PXDNL: variants seen among roughly 807,000 people sequenced by gnomAD.
PXDNL encodes the protein probable oxidoreductase PXDNL.
PXDNL carries 145 observed loss-of-function variants against 150.8 expected under a neutral mutation model. The ratio of observed to expected loss-of-function variants is 0.96; its 90% CI spans 0.84 to 1.10. PXDNL has a LOEUF of 1.10. PXDNL is among the 50% of genes least tolerant of loss of function. The pLI, the probability that PXDNL is intolerant of heterozygous loss-of-function variation, is 0.00. For missense variants in PXDNL, 2,087 were observed against 1,873.9 expected (o/e 1.11, Z -2.10); for synonymous variants, 757 against 725.7 (o/e 1.04, Z -0.69).
At chr8:51,780,360 T>G (rs1325670502) in intron 1 of PXDNL, among the ~76,000 whole-genome samples, 2 of 152,120 alleles carry the variant, frequency 1.3e-5, no homozygotes, top group Non-Finnish European at 1.5e-5. Flanking sequence ...TAATATATAT[T>G]TTCTCAAAGA....
chr8:51,351,723 A>C (rs572251110), intron 19 of PXDNL, among the ~76,000 whole-genome samples: 1 of 152,324 alleles, frequency 6.6e-6, no homozygotes, highest in Admixed American at 6.5e-5. Flanking sequence ...TAGTTGGGCT[A>C]CATTCTCATG....
At chr8:51,727,401 C>T (rs371699148) in intron 1 of PXDNL, among the ~76,000 whole-genome samples, 2 of 152,106 alleles carry the variant, frequency 1.3e-5, no homozygotes, top group African/African-American at 2.4e-5. Flanking sequence ...ATAACAAAAA[C>T]GAATGAAGTT....
chr8:51,464,018 A>G (rs1702525052), intron 8 of PXDNL, among the ~76,000 whole-genome samples: 1 of 135,152 alleles, frequency 7.4e-6, no homozygotes, highest in Admixed American at 6.9e-5. Context: ...ATCTAAAGGA[A>G]CTAAAAAAAA....
At chr8:51,781,586 T>C (rs1158500523) in intron 1 of PXDNL, among the ~76,000 whole-genome samples, 1 of 152,212 alleles carries the variant, frequency 6.6e-6, no homozygotes, top group Middle Eastern at 3.2e-3. Flanking sequence ...CTTCTACTCA[T>C]AACCTTCCTT....
chr8:51,458,406 A>T (rs1809985512), intron 8 of PXDNL, among the ~76,000 whole-genome samples: 1 of 152,074 alleles, frequency 6.6e-6, no homozygotes, highest in Non-Finnish European at 1.5e-5. Flanking sequence ...ATGTTTACAG[A>T]TTTTTTTTCT....
At chr8:51,464,448 TAA>T (rs1223895846) in intron 8 of PXDNL, among the ~76,000 whole-genome samples, 3 of 95,068 alleles carry the variant, frequency 3.2e-5, no homozygotes, top group Non-Finnish European at 6.9e-5. Context: ...TTGGAAAGGA[TAA>T]AGAGGATTGC....
chr8:51,357,445 T>C (rs190817278), intron 19 of PXDNL, among the ~76,000 whole-genome samples: 179 of 152,324 alleles, frequency 1.2e-3, no homozygotes, highest in Non-Finnish European at 4.0e-4. Flanking sequence ...GATAAGTAAT[T>C]ATACAGAGAA....
chr8:51,721,773 A>G, intron 1 of PXDNL: 1 of 391,776 alleles, frequency 2.6e-6, no homozygotes, highest in Non-Finnish European at 5.0e-6. Flanking sequence ...CTGCTTTTCC[A>G]TCTACAGATA....
chr8:51,729,511 G>A lies in PXDNL; in HGVS notation c.165-74751C>T, dbSNP rs374559189. Among the ~76,000 whole-genome samples the A allele has an allele frequency of 2.0e-5, 3 of 152,348 alleles. No homozygotes were observed. The East Asian group carries it at 5.8e-4, about 29-fold the overall frequency. ...CACTGACAACACTAAATACTGGTGA[G>A]GATGCTGAGCAGCAGAGACTCTTAT... is the stretch of plus-strand genomic sequence containing the variant. On this transcript the variant is annotated intron_variant, in intron 1 of 22. Transcript: ENST00000356297.
chr8:51,577,683 A>G (rs1402287702), intron 3 of PXDNL, among the ~76,000 whole-genome samples: 3 of 150,022 alleles, frequency 2.0e-5, no homozygotes, highest in African/African-American at 7.3e-5. Context: ...TTCTATGCCC[A>G]TTCATGATCA....
chr8:51,361,108 G>T (rs981444426), intron 19 of PXDNL, among the ~76,000 whole-genome samples: 14 of 152,174 alleles, frequency 9.2e-5, no homozygotes, highest in African/African-American at 2.9e-4. Flanking sequence ...TGGGGATCAT[G>T]GTATTCTCTC....
intron 1 of PXDNL, among the ~76,000 whole-genome samples, chr8:51,707,899 G>A (rs956140886): frequency 5.3e-5 from 8 of 152,058 alleles, no homozygotes; most frequent in Non-Finnish European, 8.8e-5. Context: ...GTGTGTGCGC[G>A]TGCATACATA....
Position 51,692,920 on chromosome 8 carries a change from T to C in PXDNL, c.165-38160A>G, listed in dbSNP as rs531548251. 4.6e-5 allele frequency among the ~76,000 whole-genome samples: 7 copies of C among 152,310 alleles called. No homozygotes were observed. In the South Asian group the frequency reaches 1.5e-3, roughly 32 times the overall value. On this transcript the variant is annotated intron_variant, in intron 1 of 22. Transcript: ENST00000356297. Reference sequence around the variant, plus strand: ...AACACAAAAATTACACAAAATACAATAGTTAAATACATTTTACAGATTATA... The same window carrying C: ...AACACAAAAATTACACAAAATACAACAGTTAAATACATTTTACAGATTATA...
intron 1 of PXDNL, among the ~76,000 whole-genome samples, chr8:51,662,449 T>C (rs1041555461): frequency 1.2e-4 from 18 of 151,822 alleles, no homozygotes; most frequent in Non-Finnish European, 2.5e-4. Flanking sequence ...ACCCAGGAGG[T>C]GGAGTGAGCT....
At chr8:51,743,566 G>T (rs1371008014) in intron 1 of PXDNL, among the ~76,000 whole-genome samples, 1 of 152,104 alleles carries the variant, frequency 6.6e-6, no homozygotes, top group East Asian at 1.9e-4. Flanking sequence ...ATTTTTAGTA[G>T]AGTTGGGGTC....
At chr8:51,371,496 G>C (rs1807112669) in intron 19 of PXDNL, among the ~76,000 whole-genome samples, 1 of 152,196 alleles carries the variant, frequency 6.6e-6, no homozygotes, top group Non-Finnish European at 1.5e-5. Flanking sequence ...GATAGCCTAA[G>C]TTAGCCAAGT....
intron 1 of PXDNL, among the ~76,000 whole-genome samples, chr8:51,753,368 T>A (rs1380806395): frequency 6.6e-6 from 1 of 152,018 alleles, no homozygotes; most frequent in East Asian, 1.9e-4. Context: ...TAACAAAGAG[T>A]GTCCTGAAGG....
intron 1 of PXDNL, among the ~76,000 whole-genome samples, chr8:51,677,929 C>T (rs1815660185): frequency 6.6e-6 from 1 of 152,128 alleles, no homozygotes; most frequent in Non-Finnish European, 1.5e-5. Flanking sequence ...AACAGGGCCT[C>T]CTTCCTCATA....
chr8:51,343,338 A>G (rs1806045799), intron 20 of PXDNL, among the ~76,000 whole-genome samples: 1 of 152,232 alleles, frequency 6.6e-6, no homozygotes, highest in South Asian at 2.1e-4. Context: ...ATTTAAGCAC[A>G]ACAGAAACAA....
Sources: gnomAD v4.1 joint callset for allele counts (sites outside exome capture counted in the v4.1 genomes callset) on GRCh38, gnomAD v4.1.1 for gene constraint, MANE v1.5 for transcripts, NCBI Gene and HGNC (gene_info 2026-07-23, HGNC 2026-07-21) for gene names.